SLC37A2: variants seen among roughly 807,000 people sequenced by gnomAD.
SLC37A2 encodes the protein solute carrier family 37 member 2, also known as glucose-6-phosphate exchanger SLC37A2.
Under a neutral mutation model 70.7 loss-of-function variants are expected in SLC37A2, and 59 were observed. The observed-to-expected ratio is 0.83, with a 90% CI of 0.68 to 1.04. The LOEUF is 1.04. SLC37A2 is among the 50% of genes least tolerant of loss of function. The probability of loss-of-function intolerance (pLI) is 0.00; values close to 1 mark genes in which losing one functional copy is unlikely to be tolerated. For missense variants in SLC37A2, 580 were observed against 658.1 expected, an observed-to-expected ratio of 0.88 and a Z score of 1.30; for synonymous variants, 257 against 262.1, an observed-to-expected ratio of 0.98 and a Z score of 0.19.
chr11:125,069,727 G>A (rs1208346916), intron 1 of SLC37A2, among the ~76,000 whole-genome samples: 2 of 152,256 alleles, frequency 1.3e-5, no homozygotes, highest in African/African-American at 4.8e-5. Flanking sequence ...GGTGCCCCTG[G>A]ACAGGAGGCT....
chr11:125,082,939 T>G (rs1949165749), intron 10 of SLC37A2, among the ~76,000 whole-genome samples: 1 of 152,198 alleles, frequency 6.6e-6, no homozygotes. Context: ...ATGTTTCATG[T>G]CCACCTGGCC....
intron 12 of SLC37A2, 112 bp downstream of exon 12, chr11:125,084,431 G>A (rs938655536): frequency 8.9e-5 from 97 of 1,094,398 alleles, no homozygotes; most frequent in Middle Eastern, 6.0e-4. Flanking sequence ...CTGTGTACGC[G>A]TGCACATGCA....
chr11:125,088,258 C>A lies in SLC37A2; in HGVS notation c.*124C>A, dbSNP rs562995388. 6.3e-4 allele frequency: 732 copies of A among 1,158,170 alleles called. 1 individual carries two copies. The highest frequency in any genetic ancestry group is 7.1e-4 in the Non-Finnish European group (571 of 800,058). 71.7% of individuals were successfully genotyped at this position (1,158,170 alleles called of 1,614,324 possible). A position where few individuals can be genotyped will look rare whatever the true frequency, so the allele number is the denominator to read the frequency against. On this transcript the variant is annotated 3_prime_UTR_variant, in exon 18 of 18. Coordinates refer to ENST00000403796, the MANE Select transcript of SLC37A2 (RefSeq NM_001145290.2). The stretch of plus-strand genomic sequence containing the variant: ...ACCCTCTTTATTGAACATTAGCCAG[C>A]CCAGCCCAGACCCCAGGGCTGCCTA...
intron 1 of SLC37A2, among the ~76,000 whole-genome samples, chr11:125,064,073 C>G (rs938419076): frequency 1.3e-5 from 2 of 152,212 alleles, no homozygotes; most frequent in Admixed American, 6.5e-5. Context: ...GCCACTCTTC[C>G]TTAGAGGCGG....
chr11:125,085,282 C>T (rs1949196009), intron 14 of SLC37A2, 113 bp from the exon 15 acceptor site: 1 of 1,274,480 alleles, frequency 7.8e-7, no homozygotes, highest in Admixed American at 1.9e-5. Flanking sequence ...GGGCCCCTCT[C>T]CTCTCAAGCC....
intron 1 of SLC37A2, among the ~76,000 whole-genome samples, chr11:125,074,047 C>G (rs1454668429): frequency 6.6e-6 from 1 of 152,208 alleles, no homozygotes; most frequent in Non-Finnish European, 1.5e-5. Flanking sequence ...GCCAGCTCTG[C>G]TTCTCTGCTT....
At chr11:125,082,526 C>G (rs894171841) in intron 10 of SLC37A2, among the ~76,000 whole-genome samples, 192 bp downstream of exon 10, 2 of 152,144 alleles carry the variant, frequency 1.3e-5, no homozygotes, top group Admixed American at 6.5e-5. Context: ...CAAACTACCC[C>G]CTAGACCCTG....
At position 125,083,883 on chromosome 11, in the gene SLC37A2, GC is replaced by G; in HGVS notation, c.1039+8del. On this transcript the variant is annotated splice_region_variant and intron_variant, in intron 11 of 17. Transcript: ENST00000403796. This position sits in a 1 kb window ranked among gnomAD's most constrained non-coding sequence, Gnocchi z 4.6. ...CGATGTTGGTGGCATCATAGGTGAG[GC>G]CTTGCCCTGCTCTGCCAGCAGGCTC... 1 of 1,613,862 alleles carries G rather than the reference GC, an allele frequency of 6.2e-7. No individual in the cohort carries two copies. Among genetic ancestry groups the G allele is most frequent in the Non-Finnish European group, 8.5e-7 (1 of 1,179,776 alleles).
At chr11:125,076,973 CTTTTGAGTT>C in intron 2 of SLC37A2, 135 bp downstream of exon 2, 1 of 877,138 alleles carries the variant, frequency 1.1e-6, no homozygotes, top group East Asian at 2.6e-5. Context: ...CCAGGAGCTC[CTTTTGAGTT>C]TATTCCCCAA....
chr11:125,082,252 C>G lies in SLC37A2; in HGVS notation c.894C>G (p.Val298=). The G allele has an allele frequency of 6.2e-7, 1 of 1,613,908 alleles. No homozygotes were observed. The highest frequency in any genetic ancestry group is 8.5e-7 in the Non-Finnish European group (1 of 1,179,918). ...FFGALRIPGV[V]EFSLCLLFAK... The stretch of plus-strand genomic sequence containing the variant: ...CCTGTTGCACTCCCCAGGGCGTGGT[C>G]GAGTTCTCTCTGTGTCTGCTGTTTG... The change falls in exon 10 of 18, where the codon GTC becomes GTG. Residue 298 remains valine, a synonymous_variant. Transcript: ENST00000403796.
intron 5 of SLC37A2, 46 bp from the exon 6 acceptor site, chr11:125,079,638 C>T (rs749732749): frequency 8.7e-6 from 13 of 1,495,120 alleles, no homozygotes; most frequent in South Asian, 4.8e-5. Context: ...GGGAGCCAGT[C>T]GCACAGCCCA....
At chr11:125,084,402 G>C in intron 12 of SLC37A2, 83 bp downstream of exon 12, 1 of 1,333,750 alleles carries the variant, frequency 7.5e-7, no homozygotes, top group East Asian at 2.3e-5. Context: ...ACGTCCACGC[G>C]TTACACACAT....
intron 1 of SLC37A2, among the ~76,000 whole-genome samples, chr11:125,065,730 C>T (rs547811820): frequency 2.6e-4 from 39 of 152,050 alleles, no homozygotes; most frequent in African/African-American, 8.9e-4. Context: ...GTTGCATAAC[C>T]AATTTTTCTA....
chr11:125,085,754 T>C, intron 16 of SLC37A2, 80 bp downstream of exon 16: 1 of 1,499,158 alleles, frequency 6.7e-7, no homozygotes, highest in Non-Finnish European at 9.2e-7. Flanking sequence ...TCCAAAGCGT[T>C]GGCCATTTGG....
rs10893317 is a variant in SLC37A2 at position 125,080,071 on chromosome 11, C to T, written c.527+311C>T. Reference sequence around the variant, plus strand: ...CCCCGACCCCGAATTGGCTTGTGTGCAAAACAAAGTTGCTTTGGAGAAGGA... The same window carrying T: ...CCCCGACCCCGAATTGGCTTGTGTGTAAAACAAAGTTGCTTTGGAGAAGGA... On this transcript the variant is annotated intron_variant, in intron 6 of 17. Coordinates refer to ENST00000403796, the MANE Select transcript of SLC37A2 (RefSeq NM_001145290.2). The surrounding 1 kb of genome is among the most constrained non-coding windows in gnomAD (Gnocchi z 4.3). 0.21 allele frequency among the ~76,000 whole-genome samples: 31,883 copies of T among 152,118 alleles called. 3,840 individuals carry two copies. Among genetic ancestry groups the T allele is most frequent in the African/African-American group, 0.32 (13,178 of 41,464 alleles).
chr11:125,076,536 C>T (rs1006873572), intron 1 of SLC37A2, among the ~76,000 whole-genome samples: 2 of 152,200 alleles, frequency 1.3e-5, no homozygotes, highest in Non-Finnish European at 2.9e-5. Flanking sequence ...CCGGCTGCAA[C>T]AGAGGCCTCA....
At chr11:125,072,032 G>C (rs554130730) in intron 1 of SLC37A2, among the ~76,000 whole-genome samples, 2 of 152,112 alleles carry the variant, frequency 1.3e-5, no homozygotes, top group South Asian at 2.1e-4. Flanking sequence ...CCTGGGACTG[G>C]GGAGTGACTA....
At position 125,085,199 on chromosome 11, in the gene SLC37A2, A is replaced by C. The variant is rs1205283783; in HGVS notation, c.1248+60A>C. The C allele has an allele frequency of 3.3e-6, 5 of 1,514,756 alleles. No homozygotes were observed. The African/African-American group carries it at 6.9e-5, about 21-fold the overall frequency. 93.8% of individuals were successfully genotyped at this position (1,514,756 alleles called of 1,614,324 possible). On this transcript the variant is annotated intron_variant, in intron 14 of 17. Coordinates refer to ENST00000403796, the MANE Select transcript of SLC37A2 (RefSeq NM_001145290.2). Reference sequence around the variant, plus strand: ...TTCTGGGGGCTTGGTCAGGGCCACCATCTCCAGGTCCATTTCTCCCTGTCT... The same window carrying C: ...TTCTGGGGGCTTGGTCAGGGCCACCCTCTCCAGGTCCATTTCTCCCTGTCT...
intron 1 of SLC37A2, among the ~76,000 whole-genome samples, chr11:125,066,827 T>C (rs2135557802): frequency 6.6e-6 from 1 of 152,294 alleles, no homozygotes; most frequent in Admixed American, 6.5e-5. Flanking sequence ...AGATATTCAG[T>C]AAGCTTAACA....
Sources: allele counts gnomAD v4.1 joint callset (sites outside exome capture counted in the v4.1 genomes callset), GRCh38; gene constraint gnomAD v4.1.1; non-coding constraint Gnocchi (gnomAD v3.1); transcripts MANE v1.5; gene names NCBI Gene and HGNC (gene_info 2026-07-23, HGNC 2026-07-21).